ZBTB16: variants seen among roughly 807,000 people sequenced by gnomAD.
The protein encoded by ZBTB16 is zinc finger and BTB domain-containing protein 16.
Under a neutral mutation model 56.8 loss-of-function variants are expected in ZBTB16, and 8 were observed. That is an observed-to-expected ratio of 0.14 (90% CI 0.08 to 0.25). ZBTB16 has a LOEUF of 0.25. ZBTB16 is among the 10% of genes least tolerant of loss of function. The probability of loss-of-function intolerance (pLI) is 1.00; values close to 1 mark genes in which losing one functional copy is unlikely to be tolerated. For missense variants in ZBTB16, 625 were observed against 903.0 expected (o/e 0.69, Z 3.95); for synonymous variants, 363 against 368.5 (o/e 0.98, Z 0.17).
intron 2 of ZBTB16, among the ~76,000 whole-genome samples, chr11:114,135,971 C>G (rs1355001408): frequency 6.6e-6 from 1 of 152,234 alleles, no homozygotes; most frequent in East Asian, 1.9e-4. Flanking sequence ...CTGTACCCCT[C>G]ACTTCCTTCT....
At position 114,064,533 on chromosome 11, in the gene ZBTB16, C is replaced by A. The variant is rs1398120571; in HGVS notation, c.1233C>A (p.Val411=). The A allele has an allele frequency of 1.9e-6, 3 of 1,613,840 alleles. No homozygotes were observed. The highest frequency in any genetic ancestry group is 1.3e-5 in the African/African-American group (1 of 74,898). The part of the protein sequence containing the change: ...TIGEQCSVCG[V]ELPDNEAVEQ... ...GAGAGCAGTGCAGCGTGTGTGGGGT[C>A]GAGCTTCCTGATAACGAGGCTGTGG... The change falls in exon 2 of 7, where the codon GTC becomes GTA. Residue 411 remains valine (V), a synonymous_variant. Coordinates refer to ENST00000335953, the MANE Select transcript of ZBTB16 (RefSeq NM_006006.6). The surrounding 1 kb of genome is among the most constrained non-coding windows in gnomAD (Gnocchi z 4.2).
Position 114,095,251 on chromosome 11 carries a change from T to TTTCTTTTCTTTTTTC in ZBTB16, c.1268+30685_1268+30686insCTTTTCTTTTTTCTT, listed in dbSNP as rs1271465856. 1.1e-4 allele frequency among the ~76,000 whole-genome samples: 14 copies of TTTCTTTTCTTTTTTC among 122,994 alleles called. No homozygotes were observed. In the South Asian group the frequency reaches 3.7e-3, roughly 32 times the overall value. 80.7% of individuals were successfully genotyped at this position (122,994 alleles called of 152,430 possible). ...ATTTCTTTTCTTTTCTTTTCTTTTT[T>TTTCTTTTCTTTTTTC]TTTTTTTTTTTTTTTTTTTTGTGAT... On this transcript the variant is annotated intron_variant, in intron 2 of 6. Transcript: ENST00000335953.
chr11:114,213,411 C>T (rs1291594511), intron 4 of ZBTB16, among the ~76,000 whole-genome samples: 36 of 152,122 alleles, frequency 2.4e-4, no homozygotes, highest in Admixed American at 2.4e-3. Context: ...TTTAGAAATC[C>T]TCATTCCTTT....
At chr11:114,200,166 A>G (rs917676117) in intron 4 of ZBTB16, among the ~76,000 whole-genome samples, 9 of 151,384 alleles carry the variant, frequency 5.9e-5, no homozygotes, top group African/African-American at 2.2e-4. Flanking sequence ...AAAATCATAC[A>G]TGTGAAGCCC....
At chr11:114,088,323 G>A (rs550589663) in intron 2 of ZBTB16, among the ~76,000 whole-genome samples, 1 of 151,896 alleles carries the variant, frequency 6.6e-6, no homozygotes, top group Non-Finnish European at 1.5e-5. Context: ...TGTATTTTTA[G>A]TAGAGATGCG....
chr11:114,176,052 AG>A (rs1241314748), intron 3 of ZBTB16, among the ~76,000 whole-genome samples: 1 of 151,430 alleles, frequency 6.6e-6, no homozygotes, highest in African/African-American at 2.4e-5. Context: ...TGCCATATTT[AG>A]GGTGGGGGCC....
Position 114,212,369 on chromosome 11 carries a change from C to T in ZBTB16, c.1453+25331C>T, listed in dbSNP as rs75773051. Among the ~76,000 whole-genome samples, 319 of 152,244 alleles carry T rather than the reference C, an allele frequency of 2.1e-3. 7 individuals carry two copies. In the East Asian group the frequency reaches 0.049, roughly 23 times the overall value. On this transcript the variant is annotated intron_variant, in intron 4 of 6. Coordinates refer to ENST00000335953, the MANE Select transcript of ZBTB16 (RefSeq NM_006006.6). ...GTTGTGCCTCTCCCCCTCCCCCAGG[C>T]ATTTTCAAAGTTTCCTGGAGTTCTT...
chr11:114,082,749 T>G lies in ZBTB16; in HGVS notation c.1268+18181T>G, dbSNP rs766435777. On this transcript the variant is annotated intron_variant, in intron 2 of 6. Coordinates refer to ENST00000335953, the MANE Select transcript of ZBTB16 (RefSeq NM_006006.6). ...GCCACCTCTCGGTGGGCGGGGAAGC[T>G]GGGAGAGGGGCCTGGGGAGAGGGGG... is the stretch of plus-strand genomic sequence containing the variant. Among the ~76,000 whole-genome samples the G allele has an allele frequency of 1.0e-3, 95 of 95,006 alleles. 2 individuals carry two copies. Among genetic ancestry groups the G allele is most frequent in the Middle Eastern group, 0.013 (2 of 152 alleles). 62.3% of individuals were successfully genotyped at this position (95,006 alleles called of 152,430 possible). A position where few individuals can be genotyped will look rare whatever the true frequency, so the allele number is the denominator to read the frequency against.
chr11:114,170,633 A>G (rs1364210506), intron 3 of ZBTB16, among the ~76,000 whole-genome samples: 1 of 152,226 alleles, frequency 6.6e-6, no homozygotes, highest in Non-Finnish European at 1.5e-5. Flanking sequence ...GGGAAAAAAA[A>G]AAAAGCAAAT....
chr11:114,099,462 TAA>T (rs963881978), intron 2 of ZBTB16, among the ~76,000 whole-genome samples: 4 of 144,744 alleles, frequency 2.8e-5, no homozygotes, highest in Non-Finnish European at 3.1e-5. Context: ...GCACCTGGCT[TAA>T]AAAAAAAAAA....
At chr11:114,221,267 C>T (rs150849770) in intron 4 of ZBTB16, among the ~76,000 whole-genome samples, 25 of 152,294 alleles carry the variant, frequency 1.6e-4, no homozygotes, top group African/African-American at 5.3e-4. Flanking sequence ...TTAATATGAA[C>T]GCTTTGTCCT....
At chr11:114,220,948 A>G (rs569474266) in intron 4 of ZBTB16, among the ~76,000 whole-genome samples, 1 of 152,324 alleles carries the variant, frequency 6.6e-6, no homozygotes, top group Non-Finnish European at 1.5e-5. Flanking sequence ...CCAGGTAGAC[A>G]GCTTCCCTAG....
At chr11:114,202,389 A>G (rs1240629396) in intron 4 of ZBTB16, among the ~76,000 whole-genome samples, 1 of 152,140 alleles carries the variant, frequency 6.6e-6, no homozygotes, top group East Asian at 1.9e-4. Flanking sequence ...CCATGGTACC[A>G]CGAGGTCACA....
rs949820360 is a variant in ZBTB16, at chr11:114,064,507, G to A, written c.1207G>A (p.Gly403Arg). Residue 403 changes from glycine (G) to arginine (R), a missense_variant, in exon 2 of 7, where the codon GGA becomes AGA. Physicochemically the swap from Gly to Arg is moderately radical, Grantham distance 125. This residue lies in a region of ZBTB16 where 384 missense variants were observed against 393.5 expected (regional missense o/e 0.98). Coordinates refer to ENST00000335953, the MANE Select transcript of ZBTB16 (RefSeq NM_006006.6). The surrounding 1 kb of genome is among the most constrained non-coding windows in gnomAD (Gnocchi z 4.2). ...CATGAAGTCAGAGAGCCGGACCATCGGAGAGCAGTGCAGCGTGTGTGGGGT... is the reference window on the plus strand; with the variant it reads ...CATGAAGTCAGAGAGCCGGACCATCAGAGAGCAGTGCAGCGTGTGTGGGGT... ...VGMKSESRTI[G>R]EQCSVCGVEL... 8.1e-6 allele frequency: 13 copies of A among 1,613,968 alleles called. No individual in the cohort carries two copies. Among genetic ancestry groups the A allele is most frequent in the Admixed American group, 3.3e-5 (2 of 60,008 alleles).
chr11:114,193,988 C>T (rs751185958), intron 4 of ZBTB16, among the ~76,000 whole-genome samples: 5 of 152,246 alleles, frequency 3.3e-5, no homozygotes, highest in Non-Finnish European at 7.3e-5. Flanking sequence ...TGGCTGCCTC[C>T]GCACTGACTG....
chr11:114,245,258 GCCCATC>G (rs1386460979), intron 5 of ZBTB16, among the ~76,000 whole-genome samples: 1 of 152,212 alleles, frequency 6.6e-6, no homozygotes, highest in African/African-American at 2.4e-5. Context: ...CTGGGCCTTG[GCCCATC>G]CCCAGATCTG....
At chr11:114,062,725 G>T (rs1938932853) in intron 1 of ZBTB16, among the ~76,000 whole-genome samples, 1 of 152,234 alleles carries the variant, frequency 6.6e-6, no homozygotes, top group Non-Finnish European at 1.5e-5. Context: ...TGCTTCTGGG[G>T]CTCCTGTAGT....
chr11:114,232,454 G>A (rs763494359), intron 4 of ZBTB16, among the ~76,000 whole-genome samples: 2 of 152,132 alleles, frequency 1.3e-5, no homozygotes, highest in African/African-American at 4.8e-5. Flanking sequence ...TGTTGAGCAC[G>A]GGGCCCTCAA....
At chr11:114,202,407 C>T (rs962081211) in intron 4 of ZBTB16, among the ~76,000 whole-genome samples, 2 of 152,164 alleles carry the variant, frequency 1.3e-5, no homozygotes, top group Non-Finnish European at 2.9e-5. Flanking sequence ...ACAGAGGTGA[C>T]TACAGTGCTG....
Sources: allele counts gnomAD v4.1 joint callset (sites outside exome capture counted in the v4.1 genomes callset), GRCh38; gene constraint gnomAD v4.1.1; regional missense constraint gnomAD v4.1.1; non-coding constraint Gnocchi (gnomAD v3.1); transcripts MANE v1.5; gene names NCBI Gene and HGNC (gene_info 2026-07-23, HGNC 2026-07-21).